The following KCNG3 variants were observed in gnomAD, a reference collection of about 807,000 sequenced individuals.
KCNG3 encodes the protein voltage-gated potassium channel regulatory subunit KCNG3.
In KCNG3, 15 loss-of-function variants were observed where a neutral mutation model predicts 29.0. The observed-to-expected ratio is 0.52, with a 90% CI of 0.35 to 0.80. KCNG3 has a LOEUF of 0.80. Ranked by LOEUF, KCNG3 falls within the 30% of genes least tolerant of loss-of-function variation. The pLI is 0.01. For missense variants in KCNG3, 512 were observed against 605.7 expected (o/e 0.85, Z 1.62); for synonymous variants, 322 against 248.9 (o/e 1.29, Z -2.76).
chr2:42,394,209 G>A, the KCNG3 span, among the ~76,000 whole-genome samples: 19 of 152,316 alleles, frequency 1.2e-4, no homozygotes, highest in Middle Eastern at 0.01. Context: ...ATGACATGCT[G>A]CAGGGGAAGC....
chr2:42,469,512 G>T (rs1673233313), intron 1 of KCNG3, among the ~76,000 whole-genome samples: 1 of 151,822 alleles, frequency 6.6e-6, no homozygotes, highest in South Asian at 2.1e-4. Flanking sequence ...TCAGATTAGT[G>T]AAGTACATAC....
the KCNG3 span, among the ~76,000 whole-genome samples, chr2:42,393,938 G>T: frequency 6.6e-6 from 1 of 152,018 alleles, no homozygotes; most frequent in African/African-American, 2.4e-5. Flanking sequence ...CCGACACCAT[G>T]CCCAACTAAT....
At chr2:42,472,893 A>C (rs888585583) in intron 1 of KCNG3, among the ~76,000 whole-genome samples, 8 of 97,786 alleles carry the variant, frequency 8.2e-5, no homozygotes, top group South Asian at 4.0e-4. Context: ...ATCGATAGAT[A>C]TATATATATA....
At chr2:42,456,207 G>A (rs1203140897) in intron 1 of KCNG3, among the ~76,000 whole-genome samples, 3 of 152,056 alleles carry the variant, frequency 2.0e-5, no homozygotes, top group Non-Finnish European at 4.4e-5. Flanking sequence ...GGCATAGACT[G>A]CAATCATTTT....
chr2:42,429,955 T>G, the KCNG3 span, among the ~76,000 whole-genome samples: 1 of 152,200 alleles, frequency 6.6e-6, no homozygotes, highest in Non-Finnish European at 1.5e-5. Flanking sequence ...AATCACCCCA[T>G]TACCTCCAGT....
intron 1 of KCNG3, among the ~76,000 whole-genome samples, chr2:42,484,585 T>C (rs1294081989): frequency 1.3e-5 from 2 of 152,258 alleles, no homozygotes; most frequent in Admixed American, 6.5e-5. Context: ...TATATGTTCA[T>C]ATGTGCATGG....
intron 1 of KCNG3, among the ~76,000 whole-genome samples, chr2:42,445,582 A>C (rs950432770): frequency 1.2e-4 from 18 of 152,196 alleles, no homozygotes; most frequent in African/African-American, 4.3e-4. Context: ...AAGACCACAA[A>C]TACTTTGTAT....
chr2:42,462,468 G>A (rs996828286), intron 1 of KCNG3, among the ~76,000 whole-genome samples: 2 of 152,136 alleles, frequency 1.3e-5, no homozygotes, highest in Admixed American at 6.6e-5. Flanking sequence ...GATTACTTGA[G>A]GTCAGGAGTT....
At chr2:42,397,286 T>C in the KCNG3 span, among the ~76,000 whole-genome samples, 1 of 151,802 alleles carries the variant, frequency 6.6e-6, no homozygotes, top group Non-Finnish European at 1.5e-5. Context: ...GAAAAAACTC[T>C]AATCACGGAA....
At chr2:42,408,392 C>T in the KCNG3 span, among the ~76,000 whole-genome samples, 1 of 152,172 alleles carries the variant, frequency 6.6e-6, no homozygotes, top group Non-Finnish European at 1.5e-5. Context: ...GTGTGCACTT[C>T]CTCCCCTCAG....
intron 1 of KCNG3, among the ~76,000 whole-genome samples, chr2:42,480,940 C>G (rs537796939): frequency 6.6e-6 from 1 of 152,048 alleles, no homozygotes; most frequent in African/African-American, 2.4e-5. Flanking sequence ...ACCATCACAC[C>G]TGGCTAATTT....
downstream of KCNG3, among the ~76,000 whole-genome samples, chr2:42,437,985 T>A (rs916235527): frequency 8.9e-5 from 13 of 146,734 alleles, no homozygotes; most frequent in Non-Finnish European, 1.7e-4. Flanking sequence ...TACAATCACA[T>A]AATAAACGTT....
chr2:42,471,155 AGTGTGTGTGTGT>A (rs565717729), intron 1 of KCNG3, among the ~76,000 whole-genome samples: 5 of 137,666 alleles, frequency 3.6e-5, no homozygotes, highest in African/African-American at 5.4e-5. Flanking sequence ...GTCTCAAAAA[AGTGTGTGTGTGT>A]GTGTGTGTGT....
At chr2:42,467,087 T>C (rs551411466) in intron 1 of KCNG3, among the ~76,000 whole-genome samples, 1 of 152,046 alleles carries the variant, frequency 6.6e-6, no homozygotes, top group Non-Finnish European at 1.5e-5. Flanking sequence ...TAAAAATATA[T>C]TAAACCACTC....
the KCNG3 span, among the ~76,000 whole-genome samples, chr2:42,393,683 G>A: frequency 6.6e-6 from 1 of 152,086 alleles, no homozygotes; most frequent in Non-Finnish European, 1.5e-5. Flanking sequence ...CATAACACAA[G>A]GTAAGTGCTG....
At chr2:42,467,199 T>C (rs1219206469) in intron 1 of KCNG3, among the ~76,000 whole-genome samples, 1 of 151,958 alleles carries the variant, frequency 6.6e-6, no homozygotes, top group East Asian at 1.9e-4. Flanking sequence ...AACTGAACGG[T>C]CCTACAATCA....
intron 1 of KCNG3, among the ~76,000 whole-genome samples, chr2:42,485,342 A>G: frequency 6.6e-6 from 1 of 152,234 alleles, no homozygotes; most frequent in Non-Finnish European, 1.5e-5. Flanking sequence ...GAGATTGACT[A>G]AGGGGACAAA....
intron 1 of KCNG3, chr2:42,463,994 C>CA (rs1673082351): frequency 7.1e-6 from 2 of 281,144 alleles, no homozygotes; most frequent in Non-Finnish European, 1.4e-5. Flanking sequence ...GGAGGCTTAA[C>CA]CATCTTCTGC....
the KCNG3 span, among the ~76,000 whole-genome samples, chr2:42,402,887 A>G: frequency 2.1e-4 from 32 of 152,180 alleles, no homozygotes; most frequent in African/African-American, 7.5e-4. Flanking sequence ...TTCTATATGA[A>G]TGTAAAAAAT....
Sources: gnomAD v4.1 joint callset for allele counts (sites outside exome capture counted in the v4.1 genomes callset) on GRCh38, gnomAD v4.1.1 for gene constraint, MANE v1.5 for transcripts, NCBI Gene and HGNC (gene_info 2026-07-23, HGNC 2026-07-21) for gene names.